Variants in RPTOR observed in about 807,000 individuals in gnomAD.
RPTOR encodes the protein regulatory associated protein of MTOR complex 1.
Under a neutral mutation model 169.9 loss-of-function variants are expected in RPTOR, and 21 were observed. The observed-to-expected ratio is 0.12, with a 90% CI of 0.09 to 0.18. The LOEUF (loss-of-function observed/expected upper bound fraction) is 0.18, where lower values mean the gene tolerates loss of function less well. Among genes scored for constraint, RPTOR ranks in the 10% least tolerant of loss-of-function variants. The pLI is 1.00. For synonymous variants in RPTOR, 732 were observed against 753.2 expected (o/e 0.97, Z 0.46); for missense variants, 1,133 against 1,855.9 (o/e 0.61, Z 7.16).
intron 1 of RPTOR, among the ~76,000 whole-genome samples, chr17:80,571,042 T>A (rs528220933): frequency 6.6e-6 from 1 of 152,306 alleles, no homozygotes; most frequent in African/African-American, 2.4e-5. Flanking sequence ...GCCAGGTAGG[T>A]CAGAGGTTGA....
intron 6 of RPTOR, among the ~76,000 whole-genome samples, chr17:80,774,923 T>C (rs754442206): frequency 2.0e-5 from 3 of 152,244 alleles, no homozygotes; most frequent in African/African-American, 7.2e-5. Context: ...CTTGCTTATA[T>C]GCAGCTTTCC....
intron 7 of RPTOR, among the ~76,000 whole-genome samples, chr17:80,796,736 G>A (rs1025266052): frequency 1.3e-5 from 2 of 152,206 alleles, no homozygotes; most frequent in Non-Finnish European, 2.9e-5. Context: ...ACTGTTCTCT[G>A]AATGCAGTTC....
Position 80,647,112 on chromosome 17 carries a change from A to G in RPTOR, c.348+3302A>G, listed in dbSNP as rs1010764439. Among the ~76,000 whole-genome samples the G allele has an allele frequency of 4.6e-5, 7 of 152,224 alleles. No individual in the cohort carries two copies. In the East Asian group the frequency reaches 1.2e-3, roughly 25 times the overall value. On this transcript the variant is annotated intron_variant, in intron 3 of 33. Coordinates refer to ENST00000306801, the MANE Select transcript of RPTOR (RefSeq NM_020761.3). The stretch of plus-strand genomic sequence containing the variant: ...ATTATATTTTTTTCTGAAGGCTGCC[A>G]GCCACTATCTGGCCCGTATTTCCTT...
At chr17:80,567,573 C>T (rs555972643) in intron 1 of RPTOR, among the ~76,000 whole-genome samples, 7 of 151,638 alleles carry the variant, frequency 4.6e-5, no homozygotes, top group South Asian at 4.2e-4. Context: ...AGGCAGATCA[C>T]GAGGTCAGGA....
chr17:80,712,920 AT>A (rs2066207597), intron 4 of RPTOR, among the ~76,000 whole-genome samples: 1 of 152,176 alleles, frequency 6.6e-6, no homozygotes, highest in African/African-American at 2.4e-5. Flanking sequence ...ATGATGTGAA[AT>A]TGGGCGTCTT....
At chr17:80,917,175 C>T (rs11651077) in intron 21 of RPTOR, among the ~76,000 whole-genome samples, 48,488 of 149,374 alleles carry the variant, frequency 0.32, 7,994 homozygotes, top group East Asian at 0.45. Flanking sequence ...TGCAGTGGCG[C>T]GATCTCAGCT....
At chr17:80,717,976 C>A (rs897310906) in intron 4 of RPTOR, among the ~76,000 whole-genome samples, 7 of 152,178 alleles carry the variant, frequency 4.6e-5, no homozygotes, top group Non-Finnish European at 8.8e-5. Context: ...AGCTTTTAGA[C>A]CCTGTCTGCC....
At chr17:80,586,985 CA>C (rs2065066192) in intron 1 of RPTOR, among the ~76,000 whole-genome samples, 1 of 152,234 alleles carries the variant, frequency 6.6e-6, no homozygotes, top group African/African-American at 2.4e-5. Context: ...ACGAGCCGGT[CA>C]TGGGCCACGT....
At position 80,860,890 on chromosome 17, in the gene RPTOR, C is replaced by T. The variant is rs991918869; in HGVS notation, c.1509+2990C>T. On this transcript the variant is annotated intron_variant, in intron 13 of 33. Transcript: ENST00000306801. The surrounding 1 kb of genome is among the most constrained non-coding windows in gnomAD (Gnocchi z 5.8). ...TGCTTGCCATCTCTCCCAGCTGCTC[C>T]TGATTTCCTGAGCTGGATGCGGGGA... 1.9e-5 allele frequency among the ~76,000 whole-genome samples: 2 copies of T among 107,880 alleles called. No individual in the cohort carries two copies. Among genetic ancestry groups the T allele is most frequent in the Non-Finnish European group, 4.7e-5 (2 of 42,236 alleles). The allele number at this position is 107,880 out of a possible 152,430, so 70.8% of individuals were successfully genotyped here. A position where few individuals can be genotyped will look rare whatever the true frequency, so the allele number is the denominator to read the frequency against.
At chr17:80,561,809 C>G (rs1469890814) in intron 1 of RPTOR, among the ~76,000 whole-genome samples, 1 of 151,752 alleles carries the variant, frequency 6.6e-6, no homozygotes, top group Non-Finnish European at 1.5e-5. Context: ...TGAGTGTGTA[C>G]GTGTGTTTGT....
intron 3 of RPTOR, among the ~76,000 whole-genome samples, chr17:80,689,153 G>T (rs1265202214): frequency 6.6e-6 from 1 of 152,206 alleles, no homozygotes; most frequent in Non-Finnish European, 1.5e-5. Flanking sequence ...TTCTTAAAGT[G>T]ACAGGACTAC....
intron 24 of RPTOR, among the ~76,000 whole-genome samples, chr17:80,927,313 C>A (rs1256559785): frequency 6.6e-6 from 1 of 152,162 alleles, no homozygotes; most frequent in East Asian, 1.9e-4. Flanking sequence ...ACTAAGAAAC[C>A]CACATGGTCT....
At chr17:80,687,210 C>G (rs983946691) in intron 3 of RPTOR, among the ~76,000 whole-genome samples, 5 of 152,238 alleles carry the variant, frequency 3.3e-5, no homozygotes, top group African/African-American at 1.2e-4. Context: ...ACTGTCTAGT[C>G]TTCTTCTGAC....
At chr17:80,774,040 G>C (rs1045631027) in intron 6 of RPTOR, 3 of 985,292 alleles carry the variant, frequency 3.0e-6, no homozygotes, top group Non-Finnish European at 3.6e-6. Flanking sequence ...ATCACTCCCT[G>C]TTTTTCTATT....
chr17:80,963,402 T>A, intron 33 of RPTOR, among the ~76,000 whole-genome samples: 1 of 147,952 alleles, frequency 6.8e-6, no homozygotes, highest in African/African-American at 2.5e-5. Flanking sequence ...CCCCGTCCCC[T>A]GTGCGGCCCT....
chr17:80,930,153 TCAGCTCATCCC>T (rs974724978), intron 24 of RPTOR, among the ~76,000 whole-genome samples: 4 of 87,090 alleles, frequency 4.6e-5, no homozygotes, highest in African/African-American at 1.4e-4. Context: ...CATCCCCAGC[TCAGCTCATCCC>T]CAGCTCATGC....
chr17:80,841,144 ACTCT>A (rs1168222446), intron 10 of RPTOR, among the ~76,000 whole-genome samples: 3 of 109,464 alleles, frequency 2.7e-5, no homozygotes, highest in Non-Finnish European at 5.2e-5. Flanking sequence ...ACGGCAGCTC[ACTCT>A]CACCGCACGG....
At chr17:80,628,808 G>A (rs1047880943) in intron 2 of RPTOR, among the ~76,000 whole-genome samples, 4 of 152,154 alleles carry the variant, frequency 2.6e-5, no homozygotes, top group African/African-American at 7.2e-5. Context: ...GTTTCTGTGA[G>A]CTTCTTGGAT....
intron 1 of RPTOR, among the ~76,000 whole-genome samples, chr17:80,572,681 C>T (rs2064920047): frequency 6.6e-6 from 1 of 152,080 alleles, no homozygotes; most frequent in Non-Finnish European, 1.5e-5. Context: ...GTCGAGATCG[C>T]ACCAGCACAC....
Sources: gnomAD v4.1 joint callset for allele counts (sites outside exome capture counted in the v4.1 genomes callset) on GRCh38, gnomAD v4.1.1 for gene constraint, Gnocchi (gnomAD v3.1) non-coding constraint, MANE v1.5 for transcripts, NCBI Gene and HGNC (gene_info 2026-07-23, HGNC 2026-07-21) for gene names.